The following HS6ST3 variants were observed in gnomAD, a reference collection of about 807,000 sequenced individuals.
HS6ST3 encodes heparan-sulfate 6-O-sulfotransferase 3.
In HS6ST3, 12 loss-of-function variants were observed where a neutral mutation model predicts 36.7. The ratio of observed to expected loss-of-function variants is 0.33; its 90% CI spans 0.21 to 0.53. The LOEUF (loss-of-function observed/expected upper bound fraction) is 0.53, where lower values mean the gene tolerates loss of function less well. HS6ST3 is among the 20% of genes least tolerant of loss of function. The pLI is 0.95. For synonymous variants in HS6ST3, 240 were observed against 257.5 expected (o/e 0.93, Z 0.65); for missense variants, 584 against 640.9 (o/e 0.91, Z 0.96).
intron 1 of HS6ST3, among the ~76,000 whole-genome samples, chr13:96,641,196 C>G (rs1208611166): frequency 6.6e-6 from 1 of 151,736 alleles, no homozygotes; most frequent in Non-Finnish European, 1.5e-5. Context: ...TTTATTTCAT[C>G]AGCATTTTAA....
intron 1 of HS6ST3, among the ~76,000 whole-genome samples, chr13:96,757,329 C>T (rs1876857042): frequency 6.6e-6 from 1 of 152,064 alleles, no homozygotes; most frequent in Admixed American, 6.6e-5. Flanking sequence ...ATGTGAACAC[C>T]AGGAGGTACA....
At chr13:96,727,659 C>T (rs1183877094) in intron 1 of HS6ST3, among the ~76,000 whole-genome samples, 1 of 152,206 alleles carries the variant, frequency 6.6e-6, no homozygotes, top group African/African-American at 2.4e-5. Context: ...TTAAAAACTA[C>T]TTGGTAATCT....
rs143612171 is a variant in HS6ST3 at position 96,826,587 on chromosome 13, G to C, written c.708-5903G>C. Among the ~76,000 whole-genome samples, 869 of 152,188 alleles carry C rather than the reference G, an allele frequency of 5.7e-3. 5 individuals are homozygous for C. The highest frequency in any genetic ancestry group is 0.017 in the Middle Eastern group (5 of 294). On this transcript the variant is annotated intron_variant, in intron 1 of 1. Transcript: ENST00000376705. ...GTAAGTGATGCAGTAAACTCTATAG[G>C]CTGGAAAGTCAAGGAAGATGGATGT...
intron 1 of HS6ST3, among the ~76,000 whole-genome samples, chr13:96,684,384 A>C (rs913324524): frequency 2.0e-5 from 3 of 152,208 alleles, no homozygotes; most frequent in Middle Eastern, 3.4e-3. Flanking sequence ...TAACTTAAAC[A>C]TTAGTGTTAA....
chr13:96,093,557 C>G (rs1216260322), intron 1 of HS6ST3, among the ~76,000 whole-genome samples: 1 of 37,654 alleles, frequency 2.7e-5, no homozygotes, highest in African/African-American at 8.0e-5. Flanking sequence ...TCACCCTGTT[C>G]TGGTTTCCTT....
At chr13:96,403,586 T>C (rs192631404) in intron 1 of HS6ST3, among the ~76,000 whole-genome samples, 2 of 152,218 alleles carry the variant, frequency 1.3e-5, no homozygotes, top group Non-Finnish European at 2.9e-5. Flanking sequence ...ATTTGTCTCT[T>C]CAAGAAGAAA....
intron 1 of HS6ST3, among the ~76,000 whole-genome samples, chr13:96,216,076 G>C (rs1388111900): frequency 1.3e-5 from 2 of 152,142 alleles, no homozygotes; most frequent in African/African-American, 4.8e-5. Context: ...TTTAACATCT[G>C]TGTTTCTCAG....
intron 1 of HS6ST3, among the ~76,000 whole-genome samples, chr13:96,611,174 G>A (rs2056456156): frequency 1.3e-5 from 2 of 149,330 alleles, no homozygotes; most frequent in African/African-American, 4.9e-5. Flanking sequence ...TAGGGTACAT[G>A]TGCACAATGT....
At chr13:96,147,607 C>T (rs561095317) in intron 1 of HS6ST3, among the ~76,000 whole-genome samples, 15 of 152,314 alleles carry the variant, frequency 9.8e-5, no homozygotes, top group African/African-American at 2.6e-4. Context: ...CAAAGCTGTG[C>T]CCATTGGGTG....
intron 1 of HS6ST3, among the ~76,000 whole-genome samples, chr13:96,198,133 T>A (rs529904171): frequency 2.0e-5 from 3 of 152,206 alleles, no homozygotes; most frequent in Non-Finnish European, 4.4e-5. Flanking sequence ...GCTTACACCC[T>A]CTGAAGCCAC....
At chr13:96,131,897 GA>G (rs2053977573) in intron 1 of HS6ST3, among the ~76,000 whole-genome samples, 1 of 150,834 alleles carries the variant, frequency 6.6e-6, no homozygotes, top group Non-Finnish European at 1.5e-5. Context: ...TTATATCATG[GA>G]AAAGATAAAA....
chr13:96,789,086 T>A (rs1360925558), intron 1 of HS6ST3, among the ~76,000 whole-genome samples: 2 of 151,824 alleles, frequency 1.3e-5, no homozygotes, highest in African/African-American at 4.8e-5. Flanking sequence ...GTTTTAATTC[T>A]TTTCTTTCTT....
intron 1 of HS6ST3, among the ~76,000 whole-genome samples, chr13:96,523,239 A>G (rs541540796): frequency 3.0e-4 from 45 of 152,290 alleles, no homozygotes; most frequent in Non-Finnish European, 5.0e-4. Context: ...ATCCGCTGCT[A>G]GTCTGATCAG....
chr13:96,808,521 C>T (rs1316261435), intron 1 of HS6ST3, among the ~76,000 whole-genome samples: 1 of 152,178 alleles, frequency 6.6e-6, no homozygotes, highest in Non-Finnish European at 1.5e-5. Flanking sequence ...ATGAGGCTAG[C>T]TAGCCCCATG....
chr13:96,123,694 T>C (rs1460587257), intron 1 of HS6ST3, among the ~76,000 whole-genome samples: 3 of 152,158 alleles, frequency 2.0e-5, no homozygotes, highest in Non-Finnish European at 4.4e-5. Flanking sequence ...ATGAATTCTC[T>C]TCCCTTAAAG....
In HS6ST3 at chr13:96,684,360, CA is replaced by C. The variant is rs201909656; in HGVS notation, c.708-148128del. ...AAATGGGAGATGTCTAATTTTTGAACAACTTTAAATAGCTAACTTAAACATT... is the reference window on the plus strand; with the variant it reads ...AAATGGGAGATGTCTAATTTTTGAACACTTTAAATAGCTAACTTAAACATT... On this transcript the variant is annotated intron_variant, in intron 1 of 1. Coordinates refer to ENST00000376705, the MANE Select transcript of HS6ST3 (RefSeq NM_153456.4). 4.5e-3 allele frequency among the ~76,000 whole-genome samples: 682 copies of C among 152,060 alleles called. 2 individuals carry two copies. Among genetic ancestry groups the C allele is most frequent in the Non-Finnish European group, 7.4e-3 (504 of 67,942 alleles).
chr13:96,201,390 A>T (rs575897616), intron 1 of HS6ST3, among the ~76,000 whole-genome samples: 18 of 152,244 alleles, frequency 1.2e-4, no homozygotes, highest in African/African-American at 4.3e-4. Flanking sequence ...GGTTTCTGTG[A>T]CTAATATTGG....
intron 1 of HS6ST3, among the ~76,000 whole-genome samples, chr13:96,195,949 A>AT (rs1470816515): frequency 1.3e-5 from 2 of 152,124 alleles, no homozygotes; most frequent in African/African-American, 4.8e-5. Context: ...AGTTTAAAAC[A>AT]TTTTTTTTCT....
At chr13:96,359,759 T>TG (rs1446463423) in intron 1 of HS6ST3, among the ~76,000 whole-genome samples, 2 of 152,156 alleles carry the variant, frequency 1.3e-5, no homozygotes, top group East Asian at 3.9e-4. Context: ...CTGCAGGCAC[T>TG]GAAAAACTTC....
Sources: gnomAD v4.1 joint callset for allele counts (sites outside exome capture counted in the v4.1 genomes callset) on GRCh38, gnomAD v4.1.1 for gene constraint, MANE v1.5 for transcripts, NCBI Gene and HGNC (gene_info 2026-07-23, HGNC 2026-07-21) for gene names.